SORBS2: variants seen among roughly 807,000 people sequenced by gnomAD.
SORBS2 encodes the protein sorbin and SH3 domain-containing protein 2.
Under a neutral mutation model 97.7 loss-of-function variants are expected in SORBS2, and 46 were observed. The ratio of observed to expected loss-of-function variants is 0.47; its 90% CI spans 0.37 to 0.60. The LOEUF (loss-of-function observed/expected upper bound fraction) is 0.60. SORBS2 is among the 20% of genes least tolerant of loss of function. The probability of loss-of-function intolerance (pLI) is 0.00; values close to 1 mark genes in which losing one functional copy is unlikely to be tolerated. For synonymous variants in SORBS2, 476 were observed against 473.4 expected, an observed-to-expected ratio of 1.01 and a Z score of -0.07; for missense variants, 1,316 against 1,282.3, an observed-to-expected ratio of 1.03 and a Z score of -0.40.
At chr4:185,830,054 G>A (rs1579104003) in intron 1 of SORBS2, among the ~76,000 whole-genome samples, 1 of 152,172 alleles carries the variant, frequency 6.6e-6, no homozygotes, top group East Asian at 1.9e-4. Flanking sequence ...CAGGCCCCAG[G>A]TATGATATAG....
intron 4 of SORBS2, among the ~76,000 whole-genome samples, chr4:185,644,362 C>G (rs548974758): frequency 1.3e-5 from 2 of 152,160 alleles, no homozygotes; most frequent in Non-Finnish European, 1.5e-5. Flanking sequence ...GTGGTAACTA[C>G]TTAGGGCCTA....
At chr4:185,586,659 G>A (rs967308631) in exon 15 of SORBS2, 1 of 152,550 alleles carries the variant, frequency 6.6e-6, no homozygotes, top group Non-Finnish European at 1.5e-5. Context: ...TCTCAAATGT[G>A]TATGTGTACA....
intron 1 of SORBS2, among the ~76,000 whole-genome samples, chr4:185,804,081 A>C (rs2153660413): frequency 6.6e-6 from 1 of 152,372 alleles, no homozygotes; most frequent in South Asian, 2.1e-4. Flanking sequence ...CGATGACTTA[A>C]AAAGGATTGC....
At chr4:185,907,707 T>C (rs1319177280) in intron 1 of SORBS2, among the ~76,000 whole-genome samples, 2 of 152,182 alleles carry the variant, frequency 1.3e-5, no homozygotes, top group Non-Finnish European at 2.9e-5. Context: ...TAGATGTTAT[T>C]ATAGGTATAG....
At chr4:185,811,576 A>G (rs1390815813) in intron 1 of SORBS2, 88 bp downstream of exon 1, 2 of 152,208 alleles carry the variant, frequency 1.3e-5, no homozygotes, top group Non-Finnish European at 2.9e-5. Flanking sequence ...TGGTAAATCC[A>G]AATCACACAA....
chr4:185,762,765 AG>A (rs1211079331), intron 2 of SORBS2, among the ~76,000 whole-genome samples: 1 of 152,200 alleles, frequency 6.6e-6, no homozygotes, highest in Non-Finnish European at 1.5e-5. Context: ...CATTTCTCTC[AG>A]TGTGTTTATT....
intron 2 of SORBS2, among the ~76,000 whole-genome samples, chr4:185,701,762 A>G (rs1428144997): frequency 7.2e-6 from 1 of 138,734 alleles, no homozygotes; most frequent in Non-Finnish European, 1.5e-5. Context: ...CCAAAAAGTT[A>G]GCAAATTTCT....
At chr4:185,638,810 G>A (rs2097074218) in intron 4 of SORBS2, 67 bp downstream of exon 14, 3 of 1,376,858 alleles carry the variant, frequency 2.2e-6, no homozygotes, top group Admixed American at 7.5e-5. Flanking sequence ...GCCAGGCTCT[G>A]AGCAAGCAAG....
chr4:185,856,412 G>A (rs767562995), intron 1 of SORBS2, among the ~76,000 whole-genome samples: 112 of 152,102 alleles, frequency 7.4e-4, no homozygotes, highest in Non-Finnish European at 8.8e-4. Flanking sequence ...CCTCTGCCTG[G>A]CATGTAGGAG....
intron 1 of SORBS2, among the ~76,000 whole-genome samples, chr4:185,800,152 G>A (rs1341819683): frequency 1.3e-5 from 2 of 152,082 alleles, no homozygotes; most frequent in Non-Finnish European, 2.9e-5. Flanking sequence ...CCAAGATCAT[G>A]CCACTGCACT....
chr4:185,886,693 A>T (rs2099239843), intron 1 of SORBS2, among the ~76,000 whole-genome samples: 1 of 152,166 alleles, frequency 6.6e-6, no homozygotes, highest in Non-Finnish European at 1.5e-5. Flanking sequence ...GTACATGCTA[A>T]AAGGAAATTA....
In SORBS2 at chr4:185,607,151, A is replaced by G. The variant is rs1189296230; in HGVS notation, c.2796+4629T>C. ...ATGGTTGGTTTGGCTTGGTCAGCTG[A>G]CAAGGTTAAAGCACCAAGCTTCTCC... On this transcript the variant is annotated intron_variant, in intron 12 of 14. Coordinates refer to ENST00000418609, the Ensembl canonical transcript of SORBS2. The surrounding 1 kb of genome is among the most constrained non-coding windows in gnomAD (Gnocchi z 5.2). The G allele has an allele frequency of 4.4e-5, 48 of 1,101,266 alleles. No homozygotes were observed. The highest frequency in any genetic ancestry group is 5.2e-5 in the Non-Finnish European group (47 of 896,416). The allele number at this position is 1,101,266 out of a possible 1,614,324, so 68.2% of individuals were successfully genotyped here.
At chr4:185,658,414 T>A (rs528515732), upstream of SORBS2, among the ~76,000 whole-genome samples, 37 of 152,042 alleles carry the variant, frequency 2.4e-4, no homozygotes, top group South Asian at 4.1e-3. Flanking sequence ...ACAGGAATTT[T>A]AAAAAAATCA....
intron 4 of SORBS2, among the ~76,000 whole-genome samples, chr4:185,672,377 G>A (rs576127149): frequency 6.6e-5 from 10 of 152,338 alleles, no homozygotes; most frequent in African/African-American, 2.4e-4. Context: ...CCTGAAGCAA[G>A]GAACATAGCA....
rs188605901 is a variant in SORBS2 at position 185,708,909 on chromosome 4, A to G, written c.-197-30087T>C. Among the ~76,000 whole-genome samples the G allele has an allele frequency of 3.0e-3, 458 of 152,378 alleles. 3 individuals are homozygous for G. The highest frequency in any genetic ancestry group is 5.0e-3 in the Non-Finnish European group (342 of 68,036). On this transcript the variant is annotated intron_variant, in intron 2 of 20. Transcript: ENST00000284776. Reference sequence around the variant, plus strand: ...ACTACTATCTTTTAAAATCTGCATTAGAATATTATTTCTGGATCTCCAATC... The same window carrying G: ...ACTACTATCTTTTAAAATCTGCATTGGAATATTATTTCTGGATCTCCAATC...
At chr4:185,955,702 G>A (rs1475814114) in intron 1 of SORBS2, among the ~76,000 whole-genome samples, 1 of 152,130 alleles carries the variant, frequency 6.6e-6, no homozygotes, top group Non-Finnish European at 1.5e-5. Context: ...GTGAAAATAT[G>A]CAGTGTTCAT....
chr4:185,791,404 T>A (rs1465434794), intron 1 of SORBS2, among the ~76,000 whole-genome samples: 1 of 152,134 alleles, frequency 6.6e-6, no homozygotes, highest in Non-Finnish European at 1.5e-5. Context: ...AGGAGGGCCA[T>A]GACTTCTGTT....
chr4:185,857,320 T>C lies in SORBS2; in HGVS notation c.-337-81954A>G, dbSNP rs149323181. Among the ~76,000 whole-genome samples the C allele has an allele frequency of 4.5e-3, 686 of 152,340 alleles. 6 individuals carry two copies. The highest frequency in any genetic ancestry group is 0.016 in the African/African-American group (650 of 41,576). On this transcript the variant is annotated intron_variant, in intron 1 of 20. Transcript: ENST00000284776. ...GGACACTTATCACTTCCCCAATCAA[T>C]ACTCTTATAATTTCTTATGCCTGTC...
rs755188926 is a variant in SORBS2 at position 185,620,167 on chromosome 4, G to A, written c.2216-16C>T. 6.6e-7 allele frequency: 1 copy of A among 1,524,432 alleles called. No homozygotes were observed. Among genetic ancestry groups the A allele is most frequent in the African/African-American group, 1.4e-5 (1 of 73,480 alleles). The allele number at this position is 1,524,432 out of a possible 1,614,324, so 94.4% of individuals were successfully genotyped here. A position where few individuals can be genotyped will look rare whatever the true frequency, so the allele number is the denominator to read the frequency against. On this transcript the variant is annotated splice_polypyrimidine_tract_variant and intron_variant, in intron 7 of 14. Transcript: ENST00000418609. Reference sequence around the variant, plus strand: ...GACTCACGGTCTATTGGAAAGAACAGGGCCAGTCATGGTGAGTATCCACTT... The same window carrying A: ...GACTCACGGTCTATTGGAAAGAACAAGGCCAGTCATGGTGAGTATCCACTT...
Sources: gnomAD v4.1 joint callset for allele counts (sites outside exome capture counted in the v4.1 genomes callset) on GRCh38, gnomAD v4.1.1 for gene constraint, Gnocchi (gnomAD v3.1) non-coding constraint, MANE v1.5 for transcripts, NCBI Gene and HGNC (gene_info 2026-07-23, HGNC 2026-07-21) for gene names.